Variants in MCUB observed in about 807,000 individuals in gnomAD.
MCUB encodes the protein calcium uniporter regulatory subunit MCUb, mitochondrial.
In MCUB, 46 loss-of-function variants were observed where a neutral mutation model predicts 41.4. The ratio of observed to expected loss-of-function variants is 1.11; its 90% CI spans 0.88 to 1.42. The LOEUF is 1.42. Among genes scored for constraint, MCUB ranks in the 40% most tolerant of loss-of-function variants. The pLI, the probability that MCUB is intolerant of heterozygous loss-of-function variation, is 0.00. For missense variants in MCUB, 403 were observed against 404.9 expected (o/e 1.00, Z 0.04); for synonymous variants, 148 against 148.2 (o/e 1.00, Z 0.01).
intron 1 of MCUB, among the ~76,000 whole-genome samples, chr4:109,597,728 G>A (rs1269390533): frequency 7.0e-6 from 1 of 143,550 alleles, no homozygotes; most frequent in Admixed American, 6.7e-5. Context: ...TGGCCGGGCG[G>A]GGGGCTGACC....
At chr4:109,658,263 T>C (rs917160936) in intron 1 of MCUB, among the ~76,000 whole-genome samples, 3 of 152,136 alleles carry the variant, frequency 2.0e-5, no homozygotes, top group Non-Finnish European at 4.4e-5. Flanking sequence ...AAATGCAGAC[T>C]GGAATTCAGT....
At chr4:109,646,021 T>G (rs955149463) in intron 1 of MCUB, among the ~76,000 whole-genome samples, 2 of 152,106 alleles carry the variant, frequency 1.3e-5, no homozygotes, top group African/African-American at 2.4e-5. Flanking sequence ...AGTAACCACA[T>G]AGCCTTCCAG....
intron 1 of MCUB, among the ~76,000 whole-genome samples, chr4:109,615,098 C>T (rs1290318664): frequency 6.6e-6 from 1 of 152,176 alleles, no homozygotes; most frequent in Non-Finnish European, 1.5e-5. Flanking sequence ...CTCTTTTCTA[C>T]TCTGCACAGC....
chr4:109,619,185 G>C (rs995021421), intron 1 of MCUB, among the ~76,000 whole-genome samples: 1 of 152,076 alleles, frequency 6.6e-6, no homozygotes, highest in Non-Finnish European at 1.5e-5. Flanking sequence ...TCCTGCCTCA[G>C]CCTCCTCAGC....
chr4:109,594,875 T>C (rs1727519800), intron 1 of MCUB, among the ~76,000 whole-genome samples: 1 of 151,322 alleles, frequency 6.6e-6, no homozygotes, highest in African/African-American at 2.4e-5. Flanking sequence ...AGAGAGAGGC[T>C]CAGCCAGAGA....
chr4:109,655,807 A>G (rs1193480981), intron 1 of MCUB, among the ~76,000 whole-genome samples: 2 of 152,116 alleles, frequency 1.3e-5, no homozygotes, highest in African/African-American at 2.4e-5. Flanking sequence ...CCAGCTTCTC[A>G]CAGTGTGGTT....
chr4:109,573,937 A>G (rs1176766462), intron 1 of MCUB, among the ~76,000 whole-genome samples: 4 of 147,794 alleles, frequency 2.7e-5, no homozygotes, highest in Admixed American at 6.8e-5. Context: ...CAGTGGCGCA[A>G]TCTCGGCTCA....
intron 4 of MCUB, chr4:109,673,861 G>A: frequency 2.6e-6 from 2 of 766,636 alleles, no homozygotes; most frequent in Non-Finnish European, 4.9e-6. Flanking sequence ...AGACACAGGT[G>A]TTTCTCTTCC....
At chr4:109,579,039 C>G (rs1727103266) in intron 1 of MCUB, among the ~76,000 whole-genome samples, 1 of 152,194 alleles carries the variant, frequency 6.6e-6, no homozygotes, top group African/African-American at 2.4e-5. Context: ...CTTCCGCTGC[C>G]TTCATTGTCA....
chr4:109,600,465 T>G (rs979283689), intron 1 of MCUB, among the ~76,000 whole-genome samples: 4 of 152,240 alleles, frequency 2.6e-5, no homozygotes, highest in Non-Finnish European at 5.9e-5. Context: ...CACTTTCTGC[T>G]TTTCTATTTT....
intron 2 of MCUB, among the ~76,000 whole-genome samples, chr4:109,659,726 G>A (rs916819464): frequency 1.3e-5 from 2 of 152,128 alleles, no homozygotes; most frequent in African/African-American, 4.8e-5. Context: ...GCACGATCTC[G>A]GCTCACTGCA....
chr4:109,652,360 G>A (rs914127955), intron 1 of MCUB, among the ~76,000 whole-genome samples: 6 of 152,032 alleles, frequency 3.9e-5, no homozygotes, highest in African/African-American at 1.4e-4. Flanking sequence ...AAAAATCTGT[G>A]GAAATAAGCC....
chr4:109,645,262 C>T (rs931494062), intron 1 of MCUB, among the ~76,000 whole-genome samples: 1 of 152,082 alleles, frequency 6.6e-6, no homozygotes. Context: ...CGAGTAGTTA[C>T]AACTGAACTG....
intron 1 of MCUB, among the ~76,000 whole-genome samples, chr4:109,626,538 C>T (rs1317500654): frequency 2.0e-5 from 3 of 151,898 alleles, no homozygotes; most frequent in East Asian, 1.9e-4. Context: ...CTGGGCCAGG[C>T]GCAGTGGCTC....
chr4:109,626,026 A>G lies in MCUB; in HGVS notation c.100-32985A>G, dbSNP rs564586507. The stretch of plus-strand genomic sequence containing the variant: ...TTTTTCTATCATCATTTTAGTTACA[A>G]ATGGGTGTCCTAGATTAGGGTTTCT... On this transcript the variant is annotated intron_variant, in intron 1 of 7. Transcript: ENST00000394650. Among the ~76,000 whole-genome samples, 12 of 152,276 alleles carry G rather than the reference A, an allele frequency of 7.9e-5. No homozygotes were observed. The South Asian group carries it at 2.5e-3, about 32-fold the overall frequency.
chr4:109,683,286 G>A (rs529623129), intron 5 of MCUB: 2 of 152,290 alleles, frequency 1.3e-5, no homozygotes, highest in East Asian at 3.9e-4. Context: ...TCCCATTTGT[G>A]GTTTTTATTT....
At chr4:109,678,351 C>A (rs1248968691) in intron 4 of MCUB, among the ~76,000 whole-genome samples, 1 of 152,222 alleles carries the variant, frequency 6.6e-6, no homozygotes, top group South Asian at 2.1e-4. Flanking sequence ...GTTGGGTACA[C>A]CTCCCAGGTG....
At chr4:109,685,048 C>T (rs562924267) in intron 6 of MCUB, 12 of 418,062 alleles carry the variant, frequency 2.9e-5, no homozygotes, top group African/African-American at 2.5e-4. Flanking sequence ...TCCCAGCTTG[C>T]CTGTTTTTGA....
At chr4:109,684,193 T>G (rs774372732) in intron 5 of MCUB, among the ~76,000 whole-genome samples, 5 of 151,646 alleles carry the variant, frequency 3.3e-5, no homozygotes, top group Admixed American at 6.6e-5. Context: ...CTCCTGAGTA[T>G]CTGGGACTAC....
Sources: gnomAD v4.1 joint callset for allele counts (sites outside exome capture counted in the v4.1 genomes callset) on GRCh38, gnomAD v4.1.1 for gene constraint, MANE v1.5 for transcripts, NCBI Gene and HGNC (gene_info 2026-07-23, HGNC 2026-07-21) for gene names.